TECPR2: variants seen among roughly 807,000 people sequenced by gnomAD.
TECPR2 encodes the protein tectonin beta-propeller repeat-containing protein 2.
Under a neutral mutation model 138.1 loss-of-function variants are expected in TECPR2, and 65 were observed. The ratio of observed to expected loss-of-function variants is 0.47; its 90% confidence interval spans 0.39 to 0.58. TECPR2 has a LOEUF of 0.58. Ranked by LOEUF, TECPR2 falls within the 20% of genes least tolerant of loss-of-function variation. The probability of loss-of-function intolerance (pLI) is 0.00; values close to 1 mark genes in which losing one functional copy is unlikely to be tolerated. For missense variants in TECPR2, 1,553 were observed against 1,824.5 expected, an observed-to-expected ratio of 0.85 and a Z score of 2.71; for synonymous variants, 746 against 749.8, an observed-to-expected ratio of 0.99 and a Z score of 0.08.
At chr14:102,454,610 G>A (rs970017319) in intron 16 of TECPR2, among the ~76,000 whole-genome samples, 13 of 152,162 alleles carry the variant, frequency 8.5e-5, no homozygotes, top group Non-Finnish European at 1.9e-4. Flanking sequence ...CTGACCTGCC[G>A]CCTGCCCTGG....
chr14:102,377,914 C>T (rs954933279), intron 2 of TECPR2, among the ~76,000 whole-genome samples: 2 of 152,210 alleles, frequency 1.3e-5, no homozygotes, highest in Admixed American at 1.3e-4. Context: ...ATATGCACCT[C>T]TTAGCTGAGC....
chr14:102,498,436 TC>T lies in TECPR2; in HGVS notation c.*181del. 2 of 821,906 alleles carry T rather than the reference TC, an allele frequency of 2.4e-6. No homozygotes were observed. Among genetic ancestry groups the T allele is most frequent in the Non-Finnish European group, 3.7e-6 (2 of 540,162 alleles). 50.9% of individuals were successfully genotyped at this position (821,906 alleles called of 1,614,324 possible). ...CTGTCTCGTTCCAGAACCCACAGCC[TC>T]CACCCGTGGCTGGCGTGATTGCTGC... On this transcript the variant is annotated 3_prime_UTR_variant, in exon 20 of 20. Transcript: ENST00000359520.
chr14:102,499,361 A>C lies in TECPR2; in HGVS notation c.*1104A>C. ...AAATCTGCATAAAATACCTCATTTCAAATCAAATCTTACAAATTTAGAAGA... is the reference window on the plus strand; with the variant it reads ...AAATCTGCATAAAATACCTCATTTCCAATCAAATCTTACAAATTTAGAAGA... On this transcript the variant is annotated 3_prime_UTR_variant, in exon 20 of 20. Coordinates refer to ENST00000359520, the MANE Select transcript of TECPR2 (RefSeq NM_014844.5). 1.7e-6 allele frequency: 1 copy of C among 602,850 alleles called. No individual in the cohort carries two copies. Among genetic ancestry groups the C allele is most frequent in the South Asian group, 2.0e-5 (1 of 50,474 alleles). 37.3% of individuals were successfully genotyped at this position (602,850 alleles called of 1,614,324 possible).
chr14:102,497,241 T>A, intron 18 of TECPR2, 121 bp downstream of exon 18: 1 of 1,419,066 alleles, frequency 7.0e-7, no homozygotes, highest in Non-Finnish European at 9.3e-7. Flanking sequence ...GGCTGTGCTG[T>A]CGCCGCTGCT....
chr14:102,475,601 C>T (rs1017124873), intron 17 of TECPR2, among the ~76,000 whole-genome samples: 2 of 152,024 alleles, frequency 1.3e-5, no homozygotes, highest in African/African-American at 2.4e-5. Flanking sequence ...AGCAAGACTC[C>T]GAAGAATCAA....
In TECPR2 at chr14:102,465,208, A is replaced by G. The variant is rs777191623; in HGVS notation, c.3708A>G (p.Gly1236=). ...TCTGGGCCTGTGATTCCAGGGGTGG[A>G]GTTTACTTCCGTGTAGGGACTCAGC... ...QHIWACDSRG[G]VYFRVGTQPL... The change falls in exon 17 of 20, where the codon GGA becomes GGG. Residue 1236 remains glycine (G), a synonymous_variant. Transcript: ENST00000359520. 3 of 1,614,212 alleles carry G rather than the reference A, an allele frequency of 1.9e-6. No homozygotes were observed. Among genetic ancestry groups the G allele is most frequent in the Non-Finnish European group, 2.5e-6 (3 of 1,180,034 alleles).
chr14:102,463,343 G>C (rs1042464843), intron 16 of TECPR2, among the ~76,000 whole-genome samples: 7 of 150,944 alleles, frequency 4.6e-5, no homozygotes, highest in Admixed American at 4.6e-4. Context: ...CGTGAACCCG[G>C]GAGGCGGAGC....
chr14:102,432,732 G>A (rs1280132243), intron 8 of TECPR2, among the ~76,000 whole-genome samples: 1 of 151,684 alleles, frequency 6.6e-6, no homozygotes, highest in Admixed American at 6.6e-5. Flanking sequence ...GGGGCCGGGC[G>A]CAGTGGCTCA....
rs1890822645 is a variant in TECPR2 at position 102,478,791 on chromosome 14, G to A, written c.3789+13502G>A. Among the ~76,000 whole-genome samples the A allele has an allele frequency of 2.0e-5, 3 of 151,630 alleles. No individual in the cohort carries two copies. In the South Asian group the frequency reaches 6.2e-4, roughly 32 times the overall value. On this transcript the variant is annotated intron_variant, in intron 17 of 19. Transcript: ENST00000359520. Reference sequence around the variant, plus strand: ...AGCACTATGGGAGGCCGAGGCAGGTGGATCACCTGAGCTCAGGAGTTCAGG... The same window carrying A: ...AGCACTATGGGAGGCCGAGGCAGGTAGATCACCTGAGCTCAGGAGTTCAGG...
chr14:102,494,476 G>A (rs771107985), intron 17 of TECPR2, among the ~76,000 whole-genome samples: 12 of 152,014 alleles, frequency 7.9e-5, no homozygotes, highest in Non-Finnish European at 1.2e-4. Context: ...CCGGAAGGCA[G>A]AGGTTGCAGT....
At chr14:102,486,553 G>T (rs1891030364) in intron 17 of TECPR2, among the ~76,000 whole-genome samples, 1 of 152,200 alleles carries the variant, frequency 6.6e-6, no homozygotes, top group African/African-American at 2.4e-5. Flanking sequence ...CCATGAAACT[G>T]CCCCTTCCAC....
intron 16 of TECPR2, among the ~76,000 whole-genome samples, chr14:102,453,024 T>C (rs932954071): frequency 6.6e-6 from 1 of 152,226 alleles, no homozygotes; most frequent in African/African-American, 2.4e-5. Context: ...GCCACGTTTG[T>C]CTATCTCCTC....
At chr14:102,414,521 G>C in intron 4 of TECPR2, 115 bp from the exon 5 acceptor site, 1 of 1,284,604 alleles carries the variant, frequency 7.8e-7, no homozygotes, top group Non-Finnish European at 1.1e-6. Flanking sequence ...CATGCGTTAA[G>C]TAAGGTGCAA....
At chr14:102,405,295 C>T (rs547911434) in intron 2 of TECPR2, among the ~76,000 whole-genome samples, 2 of 151,946 alleles carry the variant, frequency 1.3e-5, no homozygotes, top group South Asian at 2.1e-4. Context: ...GGCAACAGAG[C>T]GAGGCTCCAT....
intron 13 of TECPR2, among the ~76,000 whole-genome samples, chr14:102,447,485 T>G (rs959055152): frequency 2.0e-5 from 3 of 152,180 alleles, no homozygotes; most frequent in Non-Finnish European, 4.4e-5. Flanking sequence ...TCCCACAGTC[T>G]CCCACTGTGG....
At chr14:102,481,256 G>A (rs1890887971) in intron 17 of TECPR2, among the ~76,000 whole-genome samples, 2 of 150,760 alleles carry the variant, frequency 1.3e-5, no homozygotes, top group South Asian at 2.1e-4. Flanking sequence ...TGCCCGCCTC[G>A]GCCTCCCAAA....
intron 5 of TECPR2, among the ~76,000 whole-genome samples, 187 bp from the exon 6 acceptor site, chr14:102,424,792 C>T (rs1228213911): frequency 3.3e-5 from 5 of 152,070 alleles, no homozygotes; most frequent in African/African-American, 1.2e-4. Flanking sequence ...AGGGTGTGGT[C>T]GGGCCTCTGT....
intron 12 of TECPR2, among the ~76,000 whole-genome samples, chr14:102,445,086 A>G (rs983157218): frequency 6.6e-5 from 10 of 152,246 alleles, no homozygotes; most frequent in African/African-American, 2.4e-4. Flanking sequence ...ATGGACACCC[A>G]TTAGCACAGA....
At position 102,472,119 on chromosome 14, in the gene TECPR2, C is replaced by T. The variant is rs889204716; in HGVS notation, c.3789+6830C>T. On this transcript the variant is annotated intron_variant, in intron 17 of 19. Coordinates refer to ENST00000359520, the MANE Select transcript of TECPR2 (RefSeq NM_014844.5). ...CCCATGTGCCTTGCCTCCTCCTTTT[C>T]CCAGCAAGCCAGAGGCCAGGATGCT... 2.6e-5 allele frequency among the ~76,000 whole-genome samples: 4 copies of T among 152,166 alleles called. No individual in the cohort carries two copies. In the South Asian group the frequency reaches 8.3e-4, roughly 32 times the overall value.
Sources: allele counts gnomAD v4.1 joint callset (sites outside exome capture counted in the v4.1 genomes callset), GRCh38; gene constraint gnomAD v4.1.1; transcripts MANE v1.5; gene names NCBI Gene and HGNC (gene_info 2026-07-23, HGNC 2026-07-21).